Variants in PDE6A observed in about 807,000 individuals in gnomAD.
PDE6A encodes rod cGMP-specific 3',5'-cyclic phosphodiesterase subunit alpha.
Under a neutral mutation model 106.3 loss-of-function variants are expected in PDE6A, and 84 were observed. That is an observed-to-expected ratio of 0.79 (90% CI 0.66 to 0.95). The LOEUF (loss-of-function observed/expected upper bound fraction) is 0.95. PDE6A is among the 40% of genes least tolerant of loss of function. PDE6A has a pLI of 0.00. For synonymous variants in PDE6A, 394 were observed against 386.6 expected, an observed-to-expected ratio of 1.02 and a Z score of -0.23; for missense variants, 1,052 against 1,084.9, an observed-to-expected ratio of 0.97 and a Z score of 0.43.
At chr5:149,921,921 T>C (rs1753735059) in intron 4 of PDE6A, among the ~76,000 whole-genome samples, 1 of 152,168 alleles carries the variant, frequency 6.6e-6, no homozygotes, top group Non-Finnish European at 1.5e-5. Context: ...GCCTGTCTAG[T>C]CATTAGCCAA....
At chr5:149,865,346 G>A (rs1023922073) in intron 20 of PDE6A, among the ~76,000 whole-genome samples, 1 of 151,574 alleles carries the variant, frequency 6.6e-6, no homozygotes, top group Non-Finnish European at 1.5e-5. Context: ...GGAGGTCAAG[G>A]CTGCTGTAAG....
intron 1 of PDE6A, among the ~76,000 whole-genome samples, chr5:149,935,432 T>C (rs1754154131): frequency 6.6e-6 from 1 of 152,202 alleles, no homozygotes; most frequent in Non-Finnish European, 1.5e-5. Flanking sequence ...ACCAGTTCAG[T>C]AGATATCCCC....
chr5:149,912,823 G>A (rs185008994), intron 6 of PDE6A, among the ~76,000 whole-genome samples: 2 of 152,224 alleles, frequency 1.3e-5, no homozygotes, highest in African/African-American at 4.8e-5. Flanking sequence ...ACAGGGTGCT[G>A]CCATAATAAA....
chr5:149,917,611 G>A (rs1355786938), intron 5 of PDE6A, among the ~76,000 whole-genome samples: 4 of 152,152 alleles, frequency 2.6e-5, no homozygotes, highest in African/African-American at 2.4e-5. Flanking sequence ...CACTCCAATG[G>A]CACAGGCTAC....
At chr5:149,930,590 C>T (rs1754003348) in intron 4 of PDE6A, among the ~76,000 whole-genome samples, 1 of 152,192 alleles carries the variant, frequency 6.6e-6, no homozygotes, top group African/African-American at 2.4e-5. Context: ...GTGAGGGACC[C>T]GATGTCGGCA....
chr5:149,909,317 C>A (rs1039054347), intron 6 of PDE6A, among the ~76,000 whole-genome samples: 2 of 152,208 alleles, frequency 1.3e-5, no homozygotes, highest in African/African-American at 4.8e-5. Context: ...CCATCACACC[C>A]AGCCAATTTT....
chr5:149,943,596 C>T (rs1363355301), intron 1 of PDE6A, among the ~76,000 whole-genome samples: 1 of 152,218 alleles, frequency 6.6e-6, no homozygotes, highest in Admixed American at 6.5e-5. Flanking sequence ...GATGGGACTA[C>T]AGGCATGTGC....
At position 149,895,957 on chromosome 5, in the gene PDE6A, CTCTG is replaced by C. The variant is rs1183302751; in HGVS notation, c.1620+395_1620+398del. 2.0e-4 allele frequency among the ~76,000 whole-genome samples: 31 copies of C among 152,350 alleles called. 1 individual carries two copies. In the East Asian group the frequency reaches 6.0e-3, roughly 29 times the overall value. ...TCCCACTGCCTCCCACACATACCTT[CTCTG>C]CCGTCCCCCATGACCCTAGACTCAC... On this transcript the variant is annotated intron_variant, in intron 12 of 21. Transcript: ENST00000255266.
intron 17 of PDE6A, among the ~76,000 whole-genome samples, chr5:149,869,073 T>G (rs1394090883): frequency 6.6e-6 from 1 of 152,232 alleles, no homozygotes; most frequent in Non-Finnish European, 1.5e-5. Flanking sequence ...CTCACGCCAG[T>G]AATCCCAGCC....
At chr5:149,906,519 C>CATAAAAAA (rs1753188417) in intron 7 of PDE6A, among the ~76,000 whole-genome samples, 1 of 54,204 alleles carries the variant, frequency 1.8e-5, no homozygotes. Flanking sequence ...GAGACACTGT[C>CATAAAAAA]AAAAAAAAAA....
rs773244389 is a variant in PDE6A, at chr5:149,931,098, A to G, written c.788T>C (p.Leu263Pro). The change falls in exon 4 of 22, where the codon CTG becomes CCG. Residue 263 changes from leucine to proline, a missense_variant. Physicochemically the swap from Leu to Pro is moderately conservative, Grantham distance 98. This residue lies in a region of PDE6A where 913 missense variants were observed against 915.2 expected (regional missense o/e 1.00). Coordinates refer to ENST00000255266, the MANE Select transcript of PDE6A (RefSeq NM_000440.3). ...GTTGAGGAAAGCACGGACTGTGTAC[A>G]GGGCTTTGTGGAACTGTCGTTCGAT... is the stretch of plus-strand genomic sequence containing the variant. Reference protein sequence around the residue: ...TDIERQFHKALYTVRAFLNCD... With the variant: ...TDIERQFHKAPYTVRAFLNCD... 1 of 1,613,922 alleles carries G rather than the reference A, an allele frequency of 6.2e-7. No individual in the cohort carries two copies. The highest frequency in any genetic ancestry group is 8.5e-7 in the Non-Finnish European group (1 of 1,179,870).
At position 149,898,509 on chromosome 5, in the gene PDE6A, G is replaced by A; in HGVS notation, c.1264-3C>T. On this transcript the variant is annotated splice_polypyrimidine_tract_variant and splice_region_variant and intron_variant, in intron 9 of 21. Transcript: ENST00000255266. ...CAGCCCAGAAATTGAGTCAAAGACT[G>A]AAAAAGAAAGAAAGGAGGAATCAGA... 1 of 1,612,238 alleles carries A rather than the reference G, an allele frequency of 6.2e-7. No homozygotes were observed. Among genetic ancestry groups the A allele is most frequent in the Non-Finnish European group, 8.5e-7 (1 of 1,179,734 alleles).
At chr5:149,894,119 A>G (rs4705399) in intron 13 of PDE6A, among the ~76,000 whole-genome samples, 40,402 of 152,012 alleles carry the variant, frequency 0.27, 6,537 homozygotes, top group African/African-American at 0.46. Context: ...TCAGACAGGT[A>G]GAAGCAACTC....
intron 17 of PDE6A, among the ~76,000 whole-genome samples, chr5:149,872,884 A>G (rs975557329): frequency 6.6e-6 from 1 of 152,230 alleles, no homozygotes; most frequent in Admixed American, 6.5e-5. Flanking sequence ...GTAAAGAGCC[A>G]GACAGTAAAT....
At chr5:149,905,513 T>C (rs555095112) in intron 7 of PDE6A, among the ~76,000 whole-genome samples, 1 of 152,288 alleles carries the variant, frequency 6.6e-6, no homozygotes, top group East Asian at 1.9e-4. Flanking sequence ...ATCTATTCAG[T>C]CTAGAAGCCT....
intron 18 of PDE6A, 82 bp downstream of exon 18, chr5:149,868,013 T>C (rs993288623): frequency 8.0e-6 from 11 of 1,379,194 alleles, no homozygotes; most frequent in Non-Finnish European, 1.1e-5. Context: ...GTTCTGGAGC[T>C]GGGCTGAGAG....
At chr5:149,887,769 AG>A (rs2113562071) in intron 13 of PDE6A, among the ~76,000 whole-genome samples, 1 of 152,138 alleles carries the variant, frequency 6.6e-6, no homozygotes, top group South Asian at 2.1e-4. Flanking sequence ...CCGAGACAAA[AG>A]CAAAACCGCC....
In PDE6A at chr5:149,944,569, G is replaced by T; in HGVS notation, c.105C>A (p.Asp35Glu). The stretch of plus-strand genomic sequence containing the variant: ...CGGCAGCCTCCTTGGCCCCAAGGAG[G>T]TCGGAGATGAGCTTGGCCCGGTAGT... ...NLHYRAKLIS[D>E]LLGAKEAAVD... Residue 35 changes from aspartate to glutamate, a missense_variant, in exon 1 of 22, where the codon GAC becomes GAA. Asp to Glu is a conservative substitution (Grantham distance 45). Around this residue, in one of 3 missense-constraint regions of PDE6A, gnomAD observed 913 missense variants for 915.2 expected, o/e 1.00. Coordinates refer to ENST00000255266, the MANE Select transcript of PDE6A (RefSeq NM_000440.3). 1 of 1,614,086 alleles carries T rather than the reference G, an allele frequency of 6.2e-7. No homozygotes were observed.
In PDE6A at chr5:149,895,259, T is replaced by C. The variant is rs1752696050; in HGVS notation, c.1652A>G (p.Lys551Arg). Residue 551 changes from lysine (K) to arginine (R), a missense_variant, in exon 13 of 22, where the codon AAG (lysine) becomes AGG (arginine). By Grantham distance (26) the Lys-to-Arg change is conservative (BLOSUM62 2). Around this residue, in one of 3 missense-constraint regions of PDE6A, gnomAD observed 913 missense variants for 915.2 expected, o/e 1.00. Transcript: ENST00000255266. ...GTGGTAGGTGATCTTGCGGTAGCCCTTACTCAGGGAGTACATGAACCGCAC... is the reference window on the plus strand; with the variant it reads ...GTGGTAGGTGATCTTGCGGTAGCCCCTACTCAGGGAGTACATGAACCGCAC... ...ALVRFMYSLS[K>R]GYRKITYHNW... 6.2e-7 allele frequency: 1 copy of C among 1,613,720 alleles called. No homozygotes were observed. Among genetic ancestry groups the C allele is most frequent in the South Asian group, 1.1e-5 (1 of 91,076 alleles).
Sources: allele counts gnomAD v4.1 joint callset (sites outside exome capture counted in the v4.1 genomes callset), GRCh38; gene constraint gnomAD v4.1.1; regional missense constraint gnomAD v4.1.1; transcripts MANE v1.5; gene names NCBI Gene and HGNC (gene_info 2026-07-23, HGNC 2026-07-21).